TMCC1: variants seen among roughly 807,000 people sequenced by gnomAD.
TMCC1 encodes transmembrane and coiled-coil domain family 1.
In TMCC1, 15 loss-of-function variants were observed where a neutral mutation model predicts 52.4. The observed-to-expected ratio is 0.29, with a 90% CI of 0.19 to 0.44. The LOEUF (loss-of-function observed/expected upper bound fraction) is 0.44, where lower values mean the gene tolerates loss of function less well. Ranked by LOEUF, TMCC1 falls within the 20% of genes least tolerant of loss-of-function variation. The probability of loss-of-function intolerance (pLI) is 1.00; values close to 1 mark genes in which losing one functional copy is unlikely to be tolerated. For missense variants in TMCC1, 503 were observed against 806.0 expected (o/e 0.62, Z 4.55); for synonymous variants, 279 against 301.9 (o/e 0.92, Z 0.79).
At chr3:129,721,704 CAAAAAA>C (rs765601986) in intron 4 of TMCC1, among the ~76,000 whole-genome samples, 37 of 76,046 alleles carry the variant, frequency 4.9e-4, no homozygotes, top group African/African-American at 1.5e-3. Context: ...ACTAAAAATA[CAAAAAA>C]AAAAAAAAAA....
In TMCC1 at chr3:129,651,003, G is replaced by A. The variant is rs753064669; in HGVS notation, c.*478C>T. The A allele has an allele frequency of 6.5e-6, 1 of 154,344 alleles. No homozygotes were observed. Among genetic ancestry groups the A allele is most frequent in the Non-Finnish European group, 1.4e-5 (1 of 69,068 alleles). 9.6% of individuals were successfully genotyped at this position (154,344 alleles called of 1,614,324 possible). On this transcript the variant is annotated 3_prime_UTR_variant, in exon 7 of 7. Transcript: ENST00000393238. This position sits in a 1 kb window ranked among gnomAD's most constrained non-coding sequence, Gnocchi z 5.1. ...TCCACGGACAACGAAAATCCACCCCGAATCCAAAAATTCAGACATGGAATG... is the reference window on the plus strand; with the variant it reads ...TCCACGGACAACGAAAATCCACCCCAAATCCAAAAATTCAGACATGGAATG...
chr3:129,877,689 C>T (rs1044875363), intron 2 of TMCC1, among the ~76,000 whole-genome samples: 12 of 142,688 alleles, frequency 8.4e-5, no homozygotes, highest in African/African-American at 2.4e-4. Context: ...AGTGCAGTGG[C>T]GCAATCTTGG....
chr3:129,699,004 T>A (rs2047617783), intron 4 of TMCC1, among the ~76,000 whole-genome samples: 1 of 152,118 alleles, frequency 6.6e-6, no homozygotes, highest in Admixed American at 6.5e-5. Context: ...TAAAAAACTA[T>A]CCAGATATGT....
intron 2 of TMCC1, among the ~76,000 whole-genome samples, chr3:129,869,886 T>C (rs1312943207): frequency 1.3e-5 from 2 of 152,238 alleles, no homozygotes; most frequent in African/African-American, 2.4e-5. Flanking sequence ...AACTCTGAGA[T>C]GCAGATACTG....
At chr3:129,686,440 C>T (rs975977845) in intron 4 of TMCC1, among the ~76,000 whole-genome samples, 8 of 152,240 alleles carry the variant, frequency 5.3e-5, no homozygotes, top group African/African-American at 1.9e-4. Context: ...TTCCCACGTA[C>T]CCCACTCTAG....
intron 4 of TMCC1, among the ~76,000 whole-genome samples, chr3:129,754,105 C>G (rs563277331): frequency 6.6e-6 from 1 of 152,216 alleles, no homozygotes; most frequent in East Asian, 1.9e-4. Flanking sequence ...ACTGAAATCC[C>G]AAATTAAAAA....
rs771453090 is a variant in TMCC1, at chr3:129,828,171, C to T, written c.208G>A (p.Val70Met). Residue 70 changes from valine (V) to methionine (M), a missense_variant, in exon 4 of 7, where the codon GTG becomes ATG. This residue lies in a region of TMCC1 where 217 missense variants were observed against 297.9 expected (regional missense o/e 0.73). Transcript: ENST00000393238. This position sits in a 1 kb window ranked among gnomAD's most constrained non-coding sequence, Gnocchi z 4.1. ...TCTGGATCTGCCTGAATTTGCTGCA[C>T]ATCATGTGGAGACACTGATGACCTC... ...RRRSSVSPHD[V>M]QQIQADPEPE... is the part of the protein sequence containing the mutation. 6.8e-6 allele frequency: 11 copies of T among 1,614,056 alleles called. No individual in the cohort carries two copies. In the Admixed American group the frequency reaches 8.3e-5, roughly 12 times the overall value.
At chr3:129,872,973 A>T (rs1242770521) in intron 2 of TMCC1, among the ~76,000 whole-genome samples, 1 of 149,010 alleles carries the variant, frequency 6.7e-6, no homozygotes, top group Non-Finnish European at 1.5e-5. Flanking sequence ...GCAGGAGTGC[A>T]GTGGCACAAT....
At chr3:129,670,262 T>C in intron 5 of TMCC1, 68 bp downstream of exon 5, 17 of 1,492,204 alleles carry the variant, frequency 1.1e-5, no homozygotes, top group Non-Finnish European at 1.5e-5. Flanking sequence ...TTAAAAGCCA[T>C]TTCCCCATAT....
At chr3:129,801,524 C>T (rs1158487575) in intron 4 of TMCC1, among the ~76,000 whole-genome samples, 1 of 152,088 alleles carries the variant, frequency 6.6e-6, no homozygotes, top group East Asian at 1.9e-4. Context: ...TGCAGTGGCA[C>T]GATCTCGGGT....
intron 4 of TMCC1, among the ~76,000 whole-genome samples, chr3:129,743,690 G>A (rs2107640250): frequency 6.6e-6 from 1 of 152,182 alleles, no homozygotes; most frequent in Middle Eastern, 3.4e-3. Context: ...AACAATTTAT[G>A]ACTTATTTTA....
chr3:129,687,187 C>T (rs1368088644), intron 4 of TMCC1, among the ~76,000 whole-genome samples: 6 of 152,064 alleles, frequency 3.9e-5, no homozygotes, highest in Admixed American at 6.6e-5. Flanking sequence ...GTCAATGGAT[C>T]TCTTCTGTGG....
chr3:129,885,719 T>C (rs1008003547), intron 1 of TMCC1, among the ~76,000 whole-genome samples: 2 of 152,142 alleles, frequency 1.3e-5, no homozygotes, highest in African/African-American at 4.8e-5. Flanking sequence ...CTGCCTACTA[T>C]CCCTCTGAAT....
chr3:129,807,356 A>G (rs1293426212), intron 4 of TMCC1, among the ~76,000 whole-genome samples: 1 of 152,216 alleles, frequency 6.6e-6, no homozygotes, highest in Non-Finnish European at 1.5e-5. Flanking sequence ...ACAATAAAAT[A>G]TAAAATACAG....
intron 4 of TMCC1, among the ~76,000 whole-genome samples, chr3:129,790,761 A>T (rs1159312007): frequency 1.3e-5 from 2 of 152,230 alleles, no homozygotes; most frequent in East Asian, 3.8e-4. Flanking sequence ...TCTTTAAAAG[A>T]CAGTGCAATT....
chr3:129,708,486 A>G (rs2048408640), intron 4 of TMCC1, among the ~76,000 whole-genome samples: 1 of 152,244 alleles, frequency 6.6e-6, no homozygotes, highest in Non-Finnish European at 1.5e-5. Flanking sequence ...GTTAAAAATA[A>G]TTGCCCTTTC....
chr3:129,805,452 T>C (rs1390574678), intron 4 of TMCC1, among the ~76,000 whole-genome samples: 1 of 152,104 alleles, frequency 6.6e-6, no homozygotes, highest in Non-Finnish European at 1.5e-5. Flanking sequence ...TGTGAGCCAT[T>C]GCACCTGGTC....
At position 129,649,250 on chromosome 3, in the gene TMCC1, A is replaced by T. The variant is rs2086187672; in HGVS notation, c.*2231T>A. ...AACTTTGTGGGGGCTCTCTACTCTG[A>T]GCAATTACGCTAAAGCAGAAAGTTA... On this transcript the variant is annotated 3_prime_UTR_variant, in exon 7 of 7. Transcript: ENST00000393238. 6.6e-6 allele frequency: 1 copy of T among 152,156 alleles called. No individual in the cohort carries two copies. The allele number at this position is 152,156 out of a possible 1,614,324, so 9.4% of individuals were successfully genotyped here.
At chr3:129,708,865 C>G (rs1019927900) in intron 4 of TMCC1, among the ~76,000 whole-genome samples, 8 of 152,202 alleles carry the variant, frequency 5.3e-5, no homozygotes, top group Non-Finnish European at 1.2e-4. Context: ...GTCTTCAGAG[C>G]ATCTCTAACC....
Sources: allele counts gnomAD v4.1 joint callset (sites outside exome capture counted in the v4.1 genomes callset), GRCh38; gene constraint gnomAD v4.1.1; regional missense constraint gnomAD v4.1.1; non-coding constraint Gnocchi (gnomAD v3.1); transcripts MANE v1.5; gene names NCBI Gene and HGNC (gene_info 2026-07-23, HGNC 2026-07-21).